HEATR4: variants seen among roughly 807,000 people sequenced by gnomAD.
HEATR4 encodes HEAT repeat-containing protein 4.
A neutral mutation model predicts 108.8 loss-of-function variants in HEATR4; 95 were observed. That is an observed-to-expected ratio of 0.87 (90% confidence interval 0.74 to 1.04). HEATR4 has a LOEUF of 1.04. HEATR4 is among the 50% of genes least tolerant of loss of function. The pLI, the probability that HEATR4 is intolerant of heterozygous loss-of-function variation, is 0.00. For synonymous variants in HEATR4, 443 were observed against 459.4 expected, an observed-to-expected ratio of 0.96 and a Z score of 0.46; for missense variants, 1,152 against 1,253.8, an observed-to-expected ratio of 0.92 and a Z score of 1.23.
In HEATR4 at chr14:73,505,985, G is replaced by T. The variant is rs576164342; in HGVS notation, c.1986+482C>A. The stretch of plus-strand genomic sequence containing the variant: ...GGTTCACTGCAACCTCTGCCTCCTG[G>T]GTTCAAGCGATTCTCCTGCCTCAGC... On this transcript the variant is annotated intron_variant, in intron 10 of 17. Coordinates refer to ENST00000553558, the MANE Select transcript of HEATR4 (RefSeq NM_001220484.1). Among the ~76,000 whole-genome samples the T allele has an allele frequency of 2.7e-5, 4 of 150,472 alleles. No individual in the cohort carries two copies. The Admixed American group carries it at 2.7e-4, about 10-fold the overall frequency.
At chr14:73,590,528 G>A in the HEATR4 span, among the ~76,000 whole-genome samples, 3 of 152,248 alleles carry the variant, frequency 2.0e-5, no homozygotes, top group Non-Finnish European at 2.9e-5. Context: ...AGTGGAGCAG[G>A]GAGCGGAGCT....
chr14:73,528,272 G>A (rs1392710552), intron 2 of HEATR4, among the ~76,000 whole-genome samples: 6 of 151,184 alleles, frequency 4.0e-5, no homozygotes, highest in Non-Finnish European at 7.4e-5. Context: ...GTGGGCATCC[G>A]TAATCCCAGC....
At chr14:73,487,092 C>A (rs1336243243) in intron 17 of HEATR4, among the ~76,000 whole-genome samples, 1 of 146,738 alleles carries the variant, frequency 6.8e-6, no homozygotes, top group African/African-American at 2.5e-5. Context: ...ATGGTGAAAC[C>A]CCGTCTGTAC....
At chr14:73,560,544 T>A (rs1372757083), upstream of HEATR4, among the ~76,000 whole-genome samples, 1 of 151,246 alleles carries the variant, frequency 6.6e-6, no homozygotes, top group Non-Finnish European at 1.5e-5. Context: ...GCGCCTGTAG[T>A]CCCAGCTACT....
At chr14:73,562,106 G>A (rs1048268429), upstream of HEATR4, among the ~76,000 whole-genome samples, 8 of 152,156 alleles carry the variant, frequency 5.3e-5, no homozygotes, top group Admixed American at 4.6e-4. Context: ...GGTACCTAAA[G>A]TAGTCAAATT....
At chr14:73,582,420 T>C in the HEATR4 span, 1 of 151,092 alleles carries the variant, frequency 6.6e-6, no homozygotes, top group Non-Finnish European at 1.5e-5. Context: ...GATAGGTACT[T>C]AAGGGAGTGA....
intron 1 of HEATR4, chr14:73,537,560 C>G: frequency 1.6e-6 from 2 of 1,213,926 alleles, no homozygotes; most frequent in Non-Finnish European, 2.2e-6. Flanking sequence ...CGCGCTTTTC[C>G]AGGCCCACGC....
intron 6 of HEATR4, among the ~76,000 whole-genome samples, chr14:73,513,602 C>T (rs1887400781): frequency 2.6e-5 from 4 of 151,862 alleles, no homozygotes; most frequent in African/African-American, 9.7e-5. Flanking sequence ...TGGCGGGTGC[C>T]TGTAATCCTA....
intron 2 of HEATR4, among the ~76,000 whole-genome samples, chr14:73,526,958 G>A (rs1309863202): frequency 6.6e-6 from 1 of 152,138 alleles, no homozygotes; most frequent in African/African-American, 2.4e-5. Context: ...CCTGACTGGG[G>A]GAAAGAGAAG....
the HEATR4 span, among the ~76,000 whole-genome samples, chr14:73,603,212 C>T: frequency 6.6e-5 from 10 of 152,206 alleles, no homozygotes; most frequent in Non-Finnish European, 1.0e-4. Context: ...AGCTGTAAAG[C>T]AGGCAAGTTG....
chr14:73,566,708 C>A, the HEATR4 span, among the ~76,000 whole-genome samples: 1 of 152,126 alleles, frequency 6.6e-6, no homozygotes, highest in East Asian at 1.9e-4. Context: ...TTCCCACTTG[C>A]GCCTCTCCCT....
At chr14:73,505,818 CG>C (rs540566617) in intron 10 of HEATR4, among the ~76,000 whole-genome samples, 1 of 149,034 alleles carries the variant, frequency 6.7e-6, no homozygotes, top group Non-Finnish European at 1.5e-5. Flanking sequence ...CCAATTTTGG[CG>C]GGGGGGAAAT....
At chr14:73,509,933 G>T (rs1272106305) in intron 7 of HEATR4, among the ~76,000 whole-genome samples, 1 of 146,136 alleles carries the variant, frequency 6.8e-6, no homozygotes, top group Non-Finnish European at 1.5e-5. Flanking sequence ...GAGTGCAGTG[G>T]TGTGATCTCA....
At position 73,502,947 on chromosome 14, in the gene HEATR4, C is replaced by T; in HGVS notation, c.2053G>A (p.Ala685Thr). Reference protein sequence around the residue: ...DWNKEVRRAAAQALGQMSLGK... With the variant: ...DWNKEVRRAATQALGQMSLGK... ...AGGCTCATTTGCCCAAGCGCCTGTG[C>T]AGCTGCTCTCCTCACTTCCTTATTC... The change falls in exon 11 of 18, where the codon GCA becomes ACA. Residue 685 changes from alanine to threonine, a missense_variant. Coordinates refer to ENST00000553558, the MANE Select transcript of HEATR4 (RefSeq NM_001220484.1). 6.2e-7 allele frequency: 1 copy of T among 1,614,078 alleles called. No homozygotes were observed. Among genetic ancestry groups the T allele is most frequent in the Non-Finnish European group, 8.5e-7 (1 of 1,180,010 alleles).
chr14:73,597,377 C>T, the HEATR4 span, among the ~76,000 whole-genome samples: 1 of 151,822 alleles, frequency 6.6e-6, no homozygotes, highest in Non-Finnish European at 1.5e-5. Flanking sequence ...AGCCACCATG[C>T]CCGGCCATTA....
the HEATR4 span, among the ~76,000 whole-genome samples, chr14:73,632,315 C>T: frequency 1.3e-5 from 2 of 152,030 alleles, no homozygotes; most frequent in East Asian, 3.9e-4. Context: ...ATACTTTCTT[C>T]ACTGTGAAAG....
At chr14:73,495,516 A>C in intron 15 of HEATR4, 129 bp from the exon 16 acceptor site, 1 of 710,824 alleles carries the variant, frequency 1.4e-6, no homozygotes. Flanking sequence ...CCAACAGTTC[A>C]AGGCTACAGT....
At chr14:73,495,853 C>A (rs1886081372) in intron 15 of HEATR4, among the ~76,000 whole-genome samples, 1 of 152,154 alleles carries the variant, frequency 6.6e-6, no homozygotes, top group Non-Finnish European at 1.5e-5. Context: ...CCAGGCCAGG[C>A]ATGATGGCTC....
chr14:73,535,276 C>T (rs1684848846), intron 1 of HEATR4, among the ~76,000 whole-genome samples: 2 of 112,896 alleles, frequency 1.8e-5, no homozygotes, highest in South Asian at 5.7e-4. Flanking sequence ...GAGAAGGGAT[C>T]TTTTAAATAT....
Sources: allele counts gnomAD v4.1 joint callset (sites outside exome capture counted in the v4.1 genomes callset), GRCh38; gene constraint gnomAD v4.1.1; transcripts MANE v1.5; gene names NCBI Gene and HGNC (gene_info 2026-07-23, HGNC 2026-07-21).